The following UBE2E2 variants were observed in gnomAD, a reference collection of about 807,000 sequenced individuals.
The protein encoded by UBE2E2 is ubiquitin-conjugating enzyme E2 E2.
In UBE2E2, 6 loss-of-function variants were observed where a neutral mutation model predicts 24.7. The observed-to-expected ratio is 0.24, with a 90% confidence interval of 0.13 to 0.48. The LOEUF (loss-of-function observed/expected upper bound fraction) is 0.48. Among genes scored for constraint, UBE2E2 ranks in the 20% least tolerant of loss-of-function variants. The pLI, the probability that UBE2E2 is intolerant of heterozygous loss-of-function variation, is 0.99. For missense variants in UBE2E2, 169 were observed against 245.0 expected (o/e 0.69, Z 2.07); for synonymous variants, 104 against 83.6 (o/e 1.24, Z -1.33).
At chr3:23,390,283 T>C (rs764912998) in intron 3 of UBE2E2, among the ~76,000 whole-genome samples, 1 of 152,154 alleles carries the variant, frequency 6.6e-6, no homozygotes, top group Non-Finnish European at 1.5e-5. Flanking sequence ...CCACTTATCC[T>C]GTACCCATAT....
chr3:23,348,693 G>A (rs542430348), intron 3 of UBE2E2, among the ~76,000 whole-genome samples: 1 of 152,218 alleles, frequency 6.6e-6, no homozygotes, highest in African/African-American at 2.4e-5. Flanking sequence ...ATGATACCTG[G>A]GCCCTGAGGA....
intron 3 of UBE2E2, among the ~76,000 whole-genome samples, chr3:23,246,816 C>T (rs1575500840): frequency 6.6e-6 from 1 of 152,176 alleles, no homozygotes; most frequent in Non-Finnish European, 1.5e-5. Context: ...GCATGTGGAT[C>T]ATTGCCTGGC....
At chr3:23,297,894 C>G (rs202160292) in intron 3 of UBE2E2, among the ~76,000 whole-genome samples, 15 of 152,048 alleles carry the variant, frequency 9.9e-5, no homozygotes, top group African/African-American at 3.6e-4. Flanking sequence ...GCCATTTTCA[C>G]GATATTGATT....
At chr3:23,439,680 T>A (rs1353894618) in intron 3 of UBE2E2, among the ~76,000 whole-genome samples, 2 of 152,208 alleles carry the variant, frequency 1.3e-5, no homozygotes, top group African/African-American at 2.4e-5. Context: ...ACCCACATCT[T>A]ATAACAATGG....
chr3:23,358,002 AT>A, intron 3 of UBE2E2, among the ~76,000 whole-genome samples: 1 of 152,092 alleles, frequency 6.6e-6, no homozygotes. Context: ...TGCCTGGCTA[AT>A]TTTTTTATTT....
At chr3:23,256,389 C>A (rs146066180) in intron 3 of UBE2E2, among the ~76,000 whole-genome samples, 25 of 152,200 alleles carry the variant, frequency 1.6e-4, no homozygotes, top group Non-Finnish European at 2.8e-4. Context: ...TTTTTATTAG[C>A]CTTTTAAAGG....
chr3:23,370,371 A>C (rs958927893), intron 3 of UBE2E2, among the ~76,000 whole-genome samples: 38 of 152,216 alleles, frequency 2.5e-4, no homozygotes, highest in Non-Finnish European at 2.9e-5. Flanking sequence ...CAAAACATAA[A>C]ATGTTGAAAT....
chr3:23,281,767 T>G (rs774228225), intron 3 of UBE2E2, among the ~76,000 whole-genome samples: 3 of 152,264 alleles, frequency 2.0e-5, no homozygotes, highest in Non-Finnish European at 4.4e-5. Flanking sequence ...TCTGAGAATT[T>G]CATTCGCAGT....
chr3:23,587,970 T>C (rs1296363010), intron 5 of UBE2E2, among the ~76,000 whole-genome samples: 1 of 152,212 alleles, frequency 6.6e-6, no homozygotes, highest in African/African-American at 2.4e-5. Context: ...ATTTACACAA[T>C]TCCAGGAAAA....
intron 3 of UBE2E2, among the ~76,000 whole-genome samples, chr3:23,472,845 G>T (rs143598449): frequency 6.6e-6 from 1 of 151,676 alleles, no homozygotes. Context: ...TAGAGACAGG[G>T]TTTTGCTGTA....
At chr3:23,571,446 C>A (rs192791245) in intron 5 of UBE2E2, among the ~76,000 whole-genome samples, 3 of 151,374 alleles carry the variant, frequency 2.0e-5, no homozygotes, top group Non-Finnish European at 4.4e-5. Flanking sequence ...TGTGCCACCA[C>A]GCCTGGCTAA....
intron 3 of UBE2E2, among the ~76,000 whole-genome samples, chr3:23,376,790 A>C (rs1042913739): frequency 1.6e-4 from 24 of 152,194 alleles, no homozygotes; most frequent in Non-Finnish European, 2.9e-4. Context: ...CTGAACTCTC[A>C]AAGTGTCTGT....
intron 4 of UBE2E2, among the ~76,000 whole-genome samples, chr3:23,508,595 A>G (rs1033503565): frequency 6.6e-6 from 1 of 152,192 alleles, no homozygotes; most frequent in African/African-American, 2.4e-5. Context: ...ACAAGCCTTG[A>G]AGAGGTGGTG....
intron 3 of UBE2E2, among the ~76,000 whole-genome samples, chr3:23,292,155 T>A (rs900417158): frequency 6.6e-6 from 1 of 151,986 alleles, no homozygotes; most frequent in Admixed American, 6.6e-5. Context: ...ATTTTTGTAT[T>A]TTTAGTAGGG....
At chr3:23,491,265 T>C (rs1247618379) in intron 3 of UBE2E2, among the ~76,000 whole-genome samples, 3 of 152,208 alleles carry the variant, frequency 2.0e-5, no homozygotes, top group Non-Finnish European at 2.9e-5. Context: ...CTGGCCTGTT[T>C]CTGAACACCC....
At chr3:23,256,087 T>C (rs1007835977) in intron 3 of UBE2E2, among the ~76,000 whole-genome samples, 6 of 152,230 alleles carry the variant, frequency 3.9e-5, no homozygotes, top group African/African-American at 1.4e-4. Flanking sequence ...CATAGACCAC[T>C]ATAAAGAGAT....
chr3:23,316,881 A>G lies in UBE2E2; in HGVS notation c.227+99569A>G, dbSNP rs1329995874. ...AGTGGGCTCACTTCTGACCCAGGATATGTCTAGAAATGTCATCCAGGGAAT... is the reference window on the plus strand; with the variant it reads ...AGTGGGCTCACTTCTGACCCAGGATGTGTCTAGAAATGTCATCCAGGGAAT... On this transcript the variant is annotated intron_variant, in intron 3 of 5. Coordinates refer to ENST00000396703, the MANE Select transcript of UBE2E2 (RefSeq NM_152653.4). Among the ~76,000 whole-genome samples, 5 of 152,026 alleles carry G rather than the reference A, an allele frequency of 3.3e-5. No individual in the cohort carries two copies. The East Asian group carries it at 5.8e-4, about 18-fold the overall frequency.
At chr3:23,257,590 C>A (rs566308164) in intron 3 of UBE2E2, among the ~76,000 whole-genome samples, 1 of 116,630 alleles carries the variant, frequency 8.6e-6, no homozygotes, top group South Asian at 3.0e-4. Flanking sequence ...AGACTGGACT[C>A]TAATTCCTAG....
chr3:23,546,765 G>A (rs556363604), intron 5 of UBE2E2, among the ~76,000 whole-genome samples: 7 of 151,938 alleles, frequency 4.6e-5, no homozygotes, highest in South Asian at 4.2e-4. Context: ...GAGCCACCGC[G>A]CCCGGCAAGA....
Sources: gnomAD v4.1 joint callset for allele counts (sites outside exome capture counted in the v4.1 genomes callset) on GRCh38, gnomAD v4.1.1 for gene constraint, MANE v1.5 for transcripts, NCBI Gene and HGNC (gene_info 2026-07-23, HGNC 2026-07-21) for gene names.